GINS2: variants seen among roughly 807,000 people sequenced by gnomAD.
GINS2 encodes the protein DNA replication complex GINS protein PSF2.
Under a neutral mutation model 21.2 loss-of-function variants are expected in GINS2, and 23 were observed. The ratio of observed to expected loss-of-function variants is 1.08; its 90% CI spans 0.78 to 1.53. The LOEUF (loss-of-function observed/expected upper bound fraction) is 1.53. GINS2 is among the 40% of genes most tolerant of loss of function. The pLI is 0.00. For synonymous variants in GINS2, 118 were observed against 85.6 expected (o/e 1.38, Z -2.09); for missense variants, 323 against 233.9 (o/e 1.38, Z -2.49).
chr16:85,682,802 A>G (rs1176739847), intron 2 of GINS2, among the ~76,000 whole-genome samples: 1 of 152,164 alleles, frequency 6.6e-6, no homozygotes, highest in Admixed American at 6.5e-5. Flanking sequence ...ACTATAGCTA[A>G]GGGACAAGCA....
intron 2 of GINS2, among the ~76,000 whole-genome samples, chr16:85,683,249 C>T (rs1024793157): frequency 6.6e-6 from 1 of 152,064 alleles, no homozygotes; most frequent in African/African-American, 2.4e-5. Context: ...TGTCTCCTGG[C>T]AATTCCTCCT....
At position 85,678,265 on chromosome 16, in the gene GINS2, T is replaced by C; in HGVS notation, c.505A>G (p.Lys169Glu). The change falls in exon 5 of 5, where the codon AAA becomes GAA. Residue 169 changes from lysine to glutamate, a missense_variant. Lys to Glu is a moderately conservative substitution (Grantham distance 56). Coordinates refer to ENST00000253462, the MANE Select transcript of GINS2 (RefSeq NM_016095.3). ...FLTQALNHMY[K>E]LRTNLQPLES... ...AGAGGCTGGAGGTTCGTGCGGAGTTTGTACATGTGGTTGAGCGCTTGTGTG... is the reference window on the plus strand; with the variant it reads ...AGAGGCTGGAGGTTCGTGCGGAGTTCGTACATGTGGTTGAGCGCTTGTGTG... 1 of 1,613,492 alleles carries C rather than the reference T, an allele frequency of 6.2e-7. No homozygotes were observed. Among genetic ancestry groups the C allele is most frequent in the Non-Finnish European group, 8.5e-7 (1 of 1,179,452 alleles).
rs892649637 is a variant in GINS2 at position 85,678,106 on chromosome 16, C to G, written c.*106G>C. On this transcript the variant is annotated 3_prime_UTR_variant, in exon 5 of 5. Transcript: ENST00000253462. ...TGAATCCATTCCTTGCACCATCACA[C>G]ATTTTTCATGCATCAGAAGTGTTTC... 1 of 960,508 alleles carries G rather than the reference C, an allele frequency of 1.0e-6. No individual in the cohort carries two copies. The highest frequency in any genetic ancestry group is 1.6e-6 in the Non-Finnish European group (1 of 627,156). 59.5% of individuals were successfully genotyped at this position (960,508 alleles called of 1,614,324 possible).
intron 2 of GINS2, among the ~76,000 whole-genome samples, chr16:85,683,948 A>C (rs560094165): frequency 6.6e-6 from 1 of 152,346 alleles, no homozygotes; most frequent in South Asian, 2.1e-4. Flanking sequence ...GTTAAGCATT[A>C]TCCCTGAGAT....
At chr16:85,681,089 G>C (rs1330105115) in intron 3 of GINS2, among the ~76,000 whole-genome samples, 2 of 152,248 alleles carry the variant, frequency 1.3e-5, no homozygotes, top group African/African-American at 4.8e-5. Flanking sequence ...CAGGAAGTGG[G>C]CTTTCCTGTA....
rs895525243 is a variant in GINS2 at position 85,677,518 on chromosome 16, C to A, written c.*694G>T. 5 of 152,218 alleles carry A rather than the reference C, an allele frequency of 3.3e-5. No homozygotes were observed. Among genetic ancestry groups the A allele is most frequent in the South Asian group, 2.1e-4 (1 of 4,832 alleles). The allele number at this position is 152,218 out of a possible 1,614,324, so 9.4% of individuals were successfully genotyped here. A position where few individuals can be genotyped will look rare whatever the true frequency, so the allele number is the denominator to read the frequency against. On this transcript the variant is annotated 3_prime_UTR_variant, in exon 5 of 5. Coordinates refer to ENST00000253462, the MANE Select transcript of GINS2 (RefSeq NM_016095.3). ...TGATAAGCAACCCATTAAACCTGAG[C>A]TAGAAGTAGCCAAGAGAAGGAGACA...
chr16:85,684,849 G>A (rs763808219), intron 2 of GINS2, among the ~76,000 whole-genome samples: 1 of 151,504 alleles, frequency 6.6e-6, no homozygotes, highest in African/African-American at 2.4e-5. Context: ...GTACAGTGGC[G>A]CGATCTCAGC....
At chr16:85,686,704 C>T (rs2053780620) in intron 2 of GINS2, among the ~76,000 whole-genome samples, 1 of 152,236 alleles carries the variant, frequency 6.6e-6, no homozygotes, top group African/African-American at 2.4e-5. Flanking sequence ...TGGTTTCTTT[C>T]ATTCAGCAAG....
Position 85,687,541 on chromosome 16 carries a change from C to G in GINS2, c.124G>C (p.Val42Leu). 1 of 1,591,314 alleles carries G rather than the reference C, an allele frequency of 6.3e-7. No homozygotes were observed. The highest frequency in any genetic ancestry group is 1.4e-5 in the African/African-American group (1 of 73,698). Residue 42 changes from valine to leucine, a missense_variant, in exon 2 of 5, where the codon GTG (valine) becomes CTG (leucine). Coordinates refer to ENST00000253462, the MANE Select transcript of GINS2 (RefSeq NM_016095.3). Reference protein sequence around the residue: ...DLGPFNPGLPVEVPLWLAINL... With the variant: ...DLGPFNPGLPLEVPLWLAINL... ...ATCGCCAGCCACAGGGGCACTTCCA[C>G]GGGTAAACCAGGGTTAAAAGGCCCC...
At chr16:85,683,991 C>A (rs890337963) in intron 2 of GINS2, among the ~76,000 whole-genome samples, 11 of 152,098 alleles carry the variant, frequency 7.2e-5, no homozygotes, top group Non-Finnish European at 1.2e-4. Context: ...TATTTATTTA[C>A]CCAAGGGAAA....
At chr16:85,682,563 A>G (rs1000783555) in intron 2 of GINS2, among the ~76,000 whole-genome samples, 1 of 150,724 alleles carries the variant, frequency 6.6e-6, no homozygotes, top group Admixed American at 6.6e-5. Context: ...TGGGCGCGAT[A>G]CAATATCCTA....
intron 2 of GINS2, 137 bp from the exon 3 acceptor site, chr16:85,681,818 G>A (rs1361427548): frequency 1.3e-5 from 8 of 609,526 alleles, no homozygotes; most frequent in East Asian, 2.9e-5. Context: ...ATTTTGGGAT[G>A]ACATTTGTAT....
rs373919119 is a variant in GINS2 at position 85,678,626 on chromosome 16, G to A, written c.346C>T (p.Leu116=). 9 of 1,613,876 alleles carry A rather than the reference G, an allele frequency of 5.6e-6. No homozygotes were observed. Among genetic ancestry groups the A allele is most frequent in the Non-Finnish European group, 7.6e-6 (9 of 1,179,964 alleles). ...NIPKADEIRT[L]VKDMWDTRIA... is the part of the protein sequence containing the mutation. Reference sequence around the variant, plus strand: ...CGAGTGTCCCACATATCCTTGACCAGGGTCCGGATTTCGTCTGCCTTCGGG... The same window carrying A: ...CGAGTGTCCCACATATCCTTGACCAAGGTCCGGATTTCGTCTGCCTTCGGG... The change falls in exon 4 of 5, where the codon CTG becomes TTG. Residue 116 remains leucine, a synonymous_variant. Transcript: ENST00000253462.
At position 85,678,557 on chromosome 16, in the gene GINS2, G is replaced by C; in HGVS notation, c.415C>G (p.Gln139Glu). 6.2e-7 allele frequency: 1 copy of C among 1,613,632 alleles called. No individual in the cohort carries two copies. Among genetic ancestry groups the C allele is most frequent in the South Asian group, 1.1e-5 (1 of 91,044 alleles). Residue 139 changes from glutamine to glutamate, a missense_variant, in exon 4 of 5, where the codon CAG (glutamine) becomes GAG (glutamate). Transcript: ENST00000253462. ...GCACCTACCTTGGCATGTGCCTCCTGCTGTCTCACAAAGCTGTCAGCAGAC... is the reference window on the plus strand; with the variant it reads ...GCACCTACCTTGGCATGTGCCTCCTCCTGTCTCACAAAGCTGTCAGCAGAC... Reference protein sequence around the residue: ...RVSADSFVRQQEAHAKLDNLT... With the variant: ...RVSADSFVRQEEAHAKLDNLT...
intron 3 of GINS2, among the ~76,000 whole-genome samples, chr16:85,678,996 T>A (rs1241327235): frequency 1.3e-5 from 2 of 152,196 alleles, no homozygotes; most frequent in Non-Finnish European, 2.9e-5. Context: ...CTAACCTCCA[T>A]CTACAAGGAA....
chr16:85,687,859 G>C (rs1249277728), intron 1 of GINS2: 9 of 273,182 alleles, frequency 3.3e-5, no homozygotes, highest in African/African-American at 1.8e-4. Flanking sequence ...CTCCAACTCC[G>C]GAACAGGTTT....
In GINS2 at chr16:85,676,629, T is replaced by C. The variant is rs1027422635; in HGVS notation, c.*1583A>G. 1.3e-5 allele frequency: 2 copies of C among 152,376 alleles called. No homozygotes were observed. Among genetic ancestry groups the C allele is most frequent in the Admixed American group, 1.3e-4 (2 of 15,302 alleles). The allele number at this position is 152,376 out of a possible 1,614,324, so 9.4% of individuals were successfully genotyped here. Reference sequence around the variant, plus strand: ...GTGATAAGTCTTTAGGCTCAGCCTGTCACACATGCGCATTCTCAGAGCTCC... The same window carrying C: ...GTGATAAGTCTTTAGGCTCAGCCTGCCACACATGCGCATTCTCAGAGCTCC... On this transcript the variant is annotated 3_prime_UTR_variant, in exon 5 of 5. Transcript: ENST00000253462.
intron 2 of GINS2, among the ~76,000 whole-genome samples, chr16:85,684,614 G>A (rs998955690): frequency 6.6e-6 from 1 of 151,908 alleles, no homozygotes; most frequent in Non-Finnish European, 1.5e-5. Context: ...AACATAGCCA[G>A]GTGGTGTGAA....
Position 85,688,795 on chromosome 16 carries a change from G to A in GINS2, c.90+14C>T, listed in dbSNP as rs1360506917. On this transcript the variant is annotated intron_variant, in intron 1 of 4. Coordinates refer to ENST00000253462, the MANE Select transcript of GINS2 (RefSeq NM_016095.3). ...AGCCCGGCCTCCCCTCCCCACGGCG[G>A]GCCCAGGCCTCACCCCGATGAGGTA... The A allele has an allele frequency of 4.0e-6, 6 of 1,486,696 alleles. No individual in the cohort carries two copies. Among genetic ancestry groups the A allele is most frequent in the African/African-American group, 1.4e-5 (1 of 69,480 alleles). 92.1% of individuals were successfully genotyped at this position (1,486,696 alleles called of 1,614,324 possible).
Sources: allele counts gnomAD v4.1 joint callset (sites outside exome capture counted in the v4.1 genomes callset), GRCh38; gene constraint gnomAD v4.1.1; transcripts MANE v1.5; gene names NCBI Gene and HGNC (gene_info 2026-07-23, HGNC 2026-07-21).